Variants in NRG1 observed in about 807,000 individuals in gnomAD.
The protein encoded by NRG1 is neuregulin 1, also known as pro-neuregulin-1, membrane-bound isoform.
NRG1 carries 18 observed loss-of-function variants against 63.8 expected under a neutral mutation model. That is an observed-to-expected ratio of 0.28 (90% confidence interval 0.19 to 0.42). The LOEUF is 0.42. Ranked by LOEUF, NRG1 falls within the 10% of genes least tolerant of loss-of-function variation. The pLI is 1.00. For synonymous variants in NRG1, 302 were observed against 301.3 expected (o/e 1.00, Z -0.02); for missense variants, 762 against 814.7 (o/e 0.94, Z 0.79).
At chr8:32,657,539 C>T (rs1201535760) in intron 5 of NRG1, among the ~76,000 whole-genome samples, 1 of 152,140 alleles carries the variant, frequency 6.6e-6, no homozygotes. Context: ...CAGTCTTGAC[C>T]ATGATTAGCC....
chr8:32,008,404 G>A (rs1464975349), intron 1 of NRG1, among the ~76,000 whole-genome samples: 2 of 151,936 alleles, frequency 1.3e-5, no homozygotes, highest in Non-Finnish European at 2.9e-5. Context: ...ACAAAAGAAA[G>A]CACTTCTTCT....
chr8:32,451,355 A>G (rs1005022082), intron 1 of NRG1, among the ~76,000 whole-genome samples: 1 of 152,192 alleles, frequency 6.6e-6, no homozygotes, highest in African/African-American at 2.4e-5. Context: ...ACCTGGATGC[A>G]CTGCTTTGCA....
intron 1 of NRG1, among the ~76,000 whole-genome samples, chr8:32,389,175 CA>C (rs1364989393): frequency 1.3e-5 from 2 of 152,116 alleles, no homozygotes; most frequent in East Asian, 1.9e-4. Flanking sequence ...TCACAGGTCC[CA>C]GGGGGAGCTG....
intron 1 of NRG1, among the ~76,000 whole-genome samples, chr8:31,712,118 T>A (rs550350815): frequency 2.0e-5 from 3 of 152,254 alleles, no homozygotes; most frequent in South Asian, 2.1e-4. Context: ...CTCCTTTTTT[T>A]AATTAGCCTT....
intron 5 of NRG1, among the ~76,000 whole-genome samples, chr8:32,726,550 A>G (rs28716521): frequency 0.11 from 17,004 of 152,070 alleles, 1,029 homozygotes; most frequent in African/African-American, 0.12. Flanking sequence ...GATCAATGAA[A>G]GGGGTCCAAA....
At chr8:32,079,132 T>A (rs1827049056) in intron 1 of NRG1, among the ~76,000 whole-genome samples, 1 of 143,664 alleles carries the variant, frequency 7.0e-6, no homozygotes, top group Admixed American at 7.5e-5. Flanking sequence ...AGAATGTTTA[T>A]GCATGTAGAA....
At chr8:32,079,637 G>C (rs551080485) in intron 1 of NRG1, among the ~76,000 whole-genome samples, 1 of 152,108 alleles carries the variant, frequency 6.6e-6, no homozygotes, top group Non-Finnish European at 1.5e-5. Flanking sequence ...TTTACCTGAA[G>C]TAAAATATGC....
At chr8:32,464,112 T>C (rs909547262) in intron 1 of NRG1, among the ~76,000 whole-genome samples, 1 of 151,666 alleles carries the variant, frequency 6.6e-6, no homozygotes, top group Non-Finnish European at 1.5e-5. Flanking sequence ...GCCAGGATGG[T>C]CTCGATCTCC....
chr8:32,672,502 A>G (rs1290276077), intron 5 of NRG1, among the ~76,000 whole-genome samples: 1 of 152,160 alleles, frequency 6.6e-6, no homozygotes, highest in Non-Finnish European at 1.5e-5. Flanking sequence ...ATTAATCCAC[A>G]TTTATGTTAC....
chr8:32,215,271 T>A (rs1845094580), intron 1 of NRG1, among the ~76,000 whole-genome samples: 1 of 152,202 alleles, frequency 6.6e-6, no homozygotes, highest in Non-Finnish European at 1.5e-5. Context: ...AAAAGGGCTA[T>A]GTGGTCCCAA....
At chr8:32,516,924 C>T (rs566080962) in intron 1 of NRG1, among the ~76,000 whole-genome samples, 4 of 152,102 alleles carry the variant, frequency 2.6e-5, no homozygotes, top group African/African-American at 7.2e-5. Context: ...CTACTGCACC[C>T]TAGTGATGAT....
intron 1 of NRG1, among the ~76,000 whole-genome samples, chr8:32,157,731 A>G (rs900771428): frequency 6.6e-6 from 1 of 150,962 alleles, no homozygotes; most frequent in African/African-American, 2.4e-5. Context: ...TATAGAGAGA[A>G]TAAATATGTA....
At chr8:32,370,195 C>T (rs1808623685) in intron 1 of NRG1, among the ~76,000 whole-genome samples, 1 of 152,084 alleles carries the variant, frequency 6.6e-6, no homozygotes, top group Admixed American at 6.6e-5. Context: ...GCTTGAAAAT[C>T]ATAGAGTGAA....
chr8:32,680,460 A>G (rs1808308474), intron 5 of NRG1, among the ~76,000 whole-genome samples: 1 of 152,178 alleles, frequency 6.6e-6, no homozygotes, highest in Non-Finnish European at 1.5e-5. Flanking sequence ...CAACTTAAAT[A>G]AACCCAGTTT....
intron 1 of NRG1, among the ~76,000 whole-genome samples, chr8:32,184,723 A>G (rs1841800091): frequency 6.6e-6 from 1 of 152,172 alleles, no homozygotes; most frequent in African/African-American, 2.4e-5. Flanking sequence ...ATTATAGTGT[A>G]TCATCTATAC....
At chr8:32,491,004 G>A (rs868808298) in intron 1 of NRG1, among the ~76,000 whole-genome samples, 7 of 152,138 alleles carry the variant, frequency 4.6e-5, no homozygotes, top group African/African-American at 1.7e-4. Flanking sequence ...ATATTAAGGG[G>A]TAACGTTTAC....
intron 1 of NRG1, among the ~76,000 whole-genome samples, chr8:31,949,105 A>G (rs995417484): frequency 6.6e-6 from 1 of 152,230 alleles, no homozygotes; most frequent in Non-Finnish European, 1.5e-5. Flanking sequence ...TTTATCAAAG[A>G]TGATGATAAT....
chr8:32,531,317 A>G (rs957017048), intron 1 of NRG1, among the ~76,000 whole-genome samples: 3 of 152,150 alleles, frequency 2.0e-5, no homozygotes, highest in African/African-American at 7.2e-5. Context: ...AGTTTTCCTA[A>G]TTAAGGAAAG....
chr8:32,192,200 T>C (rs1460435113), intron 1 of NRG1: 1 of 152,174 alleles, frequency 6.6e-6, no homozygotes, highest in Non-Finnish European at 1.5e-5. Flanking sequence ...CTCAAAGAAC[T>C]TAACACAGAA....
Sources: gnomAD v4.1 joint callset for allele counts (sites outside exome capture counted in the v4.1 genomes callset) on GRCh38, gnomAD v4.1.1 for gene constraint, MANE v1.5 for transcripts, NCBI Gene and HGNC (gene_info 2026-07-23, HGNC 2026-07-21) for gene names.